DCDC2: variants seen among roughly 807,000 people sequenced by gnomAD.
DCDC2 encodes doublecortin domain containing 2.
In DCDC2, 40 loss-of-function variants were observed where a neutral mutation model predicts 50.2. The observed-to-expected ratio is 0.80, with a 90% CI of 0.62 to 1.04. The LOEUF is 1.04. DCDC2 is among the 50% of genes least tolerant of loss of function. The pLI, the probability that DCDC2 is intolerant of heterozygous loss-of-function variation, is 0.00. For synonymous variants in DCDC2, 234 were observed against 210.6 expected, an observed-to-expected ratio of 1.11 and a Z score of -0.96; for missense variants, 570 against 581.9, an observed-to-expected ratio of 0.98 and a Z score of 0.21.
chr6:24,184,529 C>G (rs1160836062), intron 8 of DCDC2, among the ~76,000 whole-genome samples: 1 of 151,832 alleles, frequency 6.6e-6, no homozygotes, highest in Non-Finnish European at 1.5e-5. Context: ...TGAGATTGCA[C>G]CACTGCACTC....
In DCDC2 at chr6:24,178,311, G is replaced by A. The variant is rs561132766; in HGVS notation, c.1326+19C>T. 45 of 1,606,292 alleles carry A rather than the reference G, an allele frequency of 2.8e-5. 1 individual carries two copies. In the South Asian group the frequency reaches 4.7e-4, roughly 17 times the overall value. On this transcript the variant is annotated intron_variant, in intron 9 of 9. Transcript: ENST00000378454. ...CATATTCATGCATTCACATAAGCAA[G>A]CAAAAGCAATAGAAATACCTCATCT...
rs144695853 is a variant in DCDC2 at position 24,288,896 on chromosome 6, A to C, written c.715T>G (p.Ser239Ala). The C allele has an allele frequency of 2.9e-4, 471 of 1,603,066 alleles. 1 individual carries two copies. In the African/African-American group the frequency reaches 5.5e-3, roughly 19 times the overall value. Residue 239 changes from serine (S) to alanine (A), a missense_variant, in exon 6 of 10, where the codon TCT becomes GCT. Physicochemically the swap from Ser to Ala is moderately conservative, Grantham distance 99. Transcript: ENST00000378454. ...GATCCTACAATAGGAGGTAGTGAAG[A>C]AGCTTTCTGACTGTGGAAACAAATT... is the stretch of plus-strand genomic sequence containing the variant. ...TMRRPFGQKA[S>A]SLPPIVGSRK...
chr6:24,309,085 G>C (rs1174830377), intron 2 of DCDC2, among the ~76,000 whole-genome samples: 1 of 152,080 alleles, frequency 6.6e-6, no homozygotes, highest in Non-Finnish European at 1.5e-5. Context: ...CCAGCACTTG[G>C]GGAGGCCAAG....
the DCDC2 span, among the ~76,000 whole-genome samples, chr6:24,370,571 G>A: frequency 1.3e-5 from 2 of 152,098 alleles, no homozygotes; most frequent in Admixed American, 1.3e-4. Flanking sequence ...TTAGCCAGGT[G>A]TGGTGGCACG....
chr6:24,289,675 T>A (rs1473532006), intron 5 of DCDC2, among the ~76,000 whole-genome samples: 1 of 152,118 alleles, frequency 6.6e-6, no homozygotes, highest in African/African-American at 2.4e-5. Context: ...GGTAAATAAT[T>A]CAAAGGTGCT....
At chr6:24,317,766 C>A (rs1460395266) in intron 2 of DCDC2, among the ~76,000 whole-genome samples, 2 of 151,034 alleles carry the variant, frequency 1.3e-5, no homozygotes, top group African/African-American at 4.9e-5. Flanking sequence ...GCATAAATAT[C>A]CTTAATGTAA....
chr6:24,300,514 G>A (rs540543104), intron 4 of DCDC2, among the ~76,000 whole-genome samples: 3 of 152,266 alleles, frequency 2.0e-5, no homozygotes, highest in South Asian at 2.1e-4. Context: ...TACTTATATC[G>A]TATTTGAATT....
At chr6:24,256,023 T>G (rs1195690374) in intron 7 of DCDC2, among the ~76,000 whole-genome samples, 1 of 152,190 alleles carries the variant, frequency 6.6e-6, no homozygotes, top group African/African-American at 2.4e-5. Flanking sequence ...CAAAGTAGGA[T>G]ACAGTCATAC....
rs147417671 is a variant in DCDC2, at chr6:24,346,375, G to A, written c.348+7194C>T. Among the ~76,000 whole-genome samples the A allele has an allele frequency of 2.0e-5, 3 of 152,276 alleles. No individual in the cohort carries two copies. In the East Asian group the frequency reaches 5.8e-4, roughly 29 times the overall value. ...ATATAAGGCCAAGGTATTTTTAAGA[G>A]TGGGGAAGTACAACATCATGTAGAG... is the stretch of plus-strand genomic sequence containing the variant. On this transcript the variant is annotated intron_variant, in intron 2 of 9. Transcript: ENST00000378454.
intron 8 of DCDC2, among the ~76,000 whole-genome samples, chr6:24,180,792 T>C (rs965722807): frequency 1.3e-5 from 2 of 152,146 alleles, no homozygotes; most frequent in Non-Finnish European, 2.9e-5. Flanking sequence ...ACCAAACTTT[T>C]TGTCATTACA....
rs186589448 is a variant in DCDC2, at chr6:24,179,297, T to C, written c.1024-665A>G. ...GGCACAGTGGTCACACTTGTAATCC[T>C]AGCACTTTGGGAGGCCGAGGCGGGC... On this transcript the variant is annotated intron_variant, in intron 8 of 9. Coordinates refer to ENST00000378454, the MANE Select transcript of DCDC2 (RefSeq NM_016356.5). 7.6e-3 allele frequency among the ~76,000 whole-genome samples: 1,151 copies of C among 152,004 alleles called. 10 individuals are homozygous for C. The highest frequency in any genetic ancestry group is 0.019 in the South Asian group (91 of 4,802).
upstream of DCDC2, among the ~76,000 whole-genome samples, chr6:24,359,391 ATATTATATATATTTTATATATTATATAT>A (rs1760607029): frequency 1.3e-5 from 1 of 79,302 alleles, no homozygotes; most frequent in South Asian, 3.5e-4. Flanking sequence ...TATATATTAT[ATATTATATATATTTTATATATTATATAT>A]TATATATATT....
chr6:24,289,203 T>C (rs925050868), intron 5 of DCDC2, among the ~76,000 whole-genome samples: 2 of 152,244 alleles, frequency 1.3e-5, no homozygotes, highest in Non-Finnish European at 2.9e-5. Flanking sequence ...CAAAGTGTCC[T>C]ATTTGCATTT....
intron 7 of DCDC2, among the ~76,000 whole-genome samples, chr6:24,230,134 T>G (rs959857524): frequency 1.3e-5 from 2 of 152,234 alleles, no homozygotes; most frequent in Non-Finnish European, 2.9e-5. Flanking sequence ...CAATGTTTAC[T>G]GAGCATCATG....
At chr6:24,268,585 C>G (rs1469062005) in intron 7 of DCDC2, among the ~76,000 whole-genome samples, 7 of 152,118 alleles carry the variant, frequency 4.6e-5, no homozygotes. Context: ...GAGCCTTCAG[C>G]TTAACACCAT....
intron 6 of DCDC2, among the ~76,000 whole-genome samples, chr6:24,281,350 T>A (rs188008033): frequency 6.6e-6 from 1 of 151,800 alleles, no homozygotes; most frequent in Non-Finnish European, 1.5e-5. Context: ...AATGCTTTTT[T>A]TTTTTTTAAA....
intron 2 of DCDC2, among the ~76,000 whole-genome samples, chr6:24,349,705 A>G (rs1254789659): frequency 1.3e-5 from 2 of 152,238 alleles, no homozygotes; most frequent in African/African-American, 4.8e-5. Flanking sequence ...TACCACGGTC[A>G]GAAGCTAAGA....
At chr6:24,332,681 GT>G (rs987214954) in intron 2 of DCDC2, among the ~76,000 whole-genome samples, 7 of 151,866 alleles carry the variant, frequency 4.6e-5, no homozygotes, top group African/African-American at 9.7e-5. Flanking sequence ...CAGTTTGTTT[GT>G]TTTTTTTAAA....
At chr6:24,358,894 TATATA>T (rs1429335329), upstream of DCDC2, among the ~76,000 whole-genome samples, 10 of 21,934 alleles carry the variant, frequency 4.6e-4, 1 homozygote, top group East Asian at 8.6e-3. Context: ...TATATTTATA[TATATA>T]ATATATTATA....
Sources: allele counts gnomAD v4.1 joint callset (sites outside exome capture counted in the v4.1 genomes callset), GRCh38; gene constraint gnomAD v4.1.1; transcripts MANE v1.5; gene names NCBI Gene and HGNC (gene_info 2026-07-23, HGNC 2026-07-21).